SLC1A2: variants seen among roughly 807,000 people sequenced by gnomAD.
SLC1A2 encodes solute carrier family 1 member 2.
Under a neutral mutation model 48.8 loss-of-function variants are expected in SLC1A2, and 15 were observed. That is an observed-to-expected ratio of 0.31 (90% confidence interval 0.21 to 0.47). The LOEUF (loss-of-function observed/expected upper bound fraction) is 0.47. Ranked by LOEUF, SLC1A2 falls within the 20% of genes least tolerant of loss-of-function variation. The pLI is 0.99. For missense variants in SLC1A2, 502 were observed against 730.5 expected (o/e 0.69, Z 3.61); for synonymous variants, 279 against 272.6 (o/e 1.02, Z -0.23).
chr11:35,282,327 A>C (rs1850668608), intron 8 of SLC1A2, among the ~76,000 whole-genome samples: 1 of 152,178 alleles, frequency 6.6e-6, no homozygotes, highest in Admixed American at 6.5e-5. Context: ...ACCTGAGTTC[A>C]AATTCCAGCT....
At chr11:35,279,918 G>T (rs1168842279) in intron 9 of SLC1A2, among the ~76,000 whole-genome samples, 1 of 152,162 alleles carries the variant, frequency 6.6e-6, no homozygotes, top group Non-Finnish European at 1.5e-5. Flanking sequence ...TGGGATGAAG[G>T]CCTCTCTCTA....
intron 1 of SLC1A2, among the ~76,000 whole-genome samples, chr11:35,325,024 A>G (rs1170276430): frequency 6.6e-6 from 1 of 152,174 alleles, no homozygotes; most frequent in African/African-American, 2.4e-5. Context: ...GTCAATTCTG[A>G]AGTAATGGCT....
intron 1 of SLC1A2, among the ~76,000 whole-genome samples, chr11:35,341,015 C>T (rs1251666792): frequency 2.6e-5 from 4 of 152,138 alleles, no homozygotes; most frequent in Non-Finnish European, 5.9e-5. Context: ...CTCCCAGACG[C>T]CAGGAACTTA....
At chr11:35,371,267 C>A (rs945747776) in intron 1 of SLC1A2, among the ~76,000 whole-genome samples, 10 of 152,190 alleles carry the variant, frequency 6.6e-5, no homozygotes, top group African/African-American at 2.4e-4. Context: ...TGATACAGCA[C>A]CAACTTGGCT....
Position 35,317,630 on chromosome 11 carries a change from A to C in SLC1A2, c.18-114T>G, listed in dbSNP as rs2273685. On this transcript the variant is annotated intron_variant, in intron 1 of 10. Coordinates refer to ENST00000278379, the MANE Select transcript of SLC1A2 (RefSeq NM_004171.4). ...ACAGTTGGAATCTGGAACCATCTGC[A>C]GGAAAATAAAAGTAAGTGTGACTCA... is the stretch of plus-strand genomic sequence containing the variant. The C allele has an allele frequency of 1.5e-4, 197 of 1,299,468 alleles. No individual in the cohort carries two copies. The East Asian group carries it at 4.5e-3, about 30-fold the overall frequency. 80.5% of individuals were successfully genotyped at this position (1,299,468 alleles called of 1,614,324 possible).
intron 1 of SLC1A2, among the ~76,000 whole-genome samples, chr11:35,381,806 T>C (rs745745387): frequency 5.3e-5 from 8 of 152,208 alleles, no homozygotes; most frequent in Non-Finnish European, 1.2e-4. Flanking sequence ...GTAAGTGTCA[T>C]ATTGCACCTT....
intron 1 of SLC1A2, among the ~76,000 whole-genome samples, chr11:35,399,103 G>A (rs1357672930): frequency 1.3e-5 from 2 of 152,202 alleles, no homozygotes; most frequent in Non-Finnish European, 2.9e-5. Context: ...AAATAAAAAT[G>A]TTTGGTTTGG....
chr11:35,336,888 C>T (rs1852652845), intron 1 of SLC1A2, among the ~76,000 whole-genome samples: 1 of 151,276 alleles, frequency 6.6e-6, no homozygotes, highest in African/African-American at 2.5e-5. Context: ...GACCCTTGGC[C>T]TAGAACAGTA....
chr11:35,414,161 T>C (rs982922842), intron 1 of SLC1A2, among the ~76,000 whole-genome samples: 1 of 152,232 alleles, frequency 6.6e-6, no homozygotes, highest in Non-Finnish European at 1.5e-5. Flanking sequence ...ACAGTGGTCA[T>C]ATCTGTTTAT....
Position 35,265,606 on chromosome 11 carries a change from T to G in SLC1A2, c.1574A>C (p.Asp525Ala), listed in dbSNP as rs1254681642. 6.2e-7 allele frequency: 1 copy of G among 1,612,982 alleles called. No individual in the cohort carries two copies. The highest frequency in any genetic ancestry group is 1.3e-5 in the African/African-American group (1 of 75,038). ...GTTGCTTTCCCTGTGGTTCTTCATG[T>G]CATCATAAATGGATTGAGTCTTGGT... ...EMTKTQSIYD[D>A]MKNHRESNSN... Residue 525 changes from aspartate (D) to alanine (A), a missense_variant, in exon 10 of 11, where the codon GAC (aspartate) becomes GCC (alanine). Around this residue, in one of 4 missense-constraint regions of SLC1A2, gnomAD observed 102 missense variants for 107.2 expected, o/e 0.95. Coordinates refer to ENST00000278379, the MANE Select transcript of SLC1A2 (RefSeq NM_004171.4).
intron 10 of SLC1A2, among the ~76,000 whole-genome samples, chr11:35,261,311 A>T (rs899061688): frequency 3.3e-5 from 5 of 152,206 alleles, no homozygotes; most frequent in African/African-American, 1.2e-4. Context: ...GCTACTCCAT[A>T]CAACCACAGA....
intron 1 of SLC1A2, among the ~76,000 whole-genome samples, chr11:35,388,816 G>A (rs1223204630): frequency 6.6e-6 from 1 of 152,214 alleles, no homozygotes; most frequent in Non-Finnish European, 1.5e-5. Flanking sequence ...GCATGAGCAG[G>A]TGGAATTACC....
intron 9 of SLC1A2, among the ~76,000 whole-genome samples, chr11:35,269,409 G>A (rs1850210278): frequency 6.6e-6 from 1 of 152,196 alleles, no homozygotes; most frequent in Admixed American, 6.5e-5. Context: ...ATTTGGGGAA[G>A]ACAAATTCAG....
At chr11:35,349,161 G>A (rs1340220243) in intron 1 of SLC1A2, among the ~76,000 whole-genome samples, 1 of 152,164 alleles carries the variant, frequency 6.6e-6, no homozygotes, top group Non-Finnish European at 1.5e-5. Context: ...GGATGTAGAT[G>A]GGGGCACTGC....
intron 1 of SLC1A2, among the ~76,000 whole-genome samples, chr11:35,332,943 C>T (rs1852478184): frequency 6.6e-6 from 1 of 152,196 alleles, no homozygotes; most frequent in Non-Finnish European, 1.5e-5. Flanking sequence ...TACTTCAGTT[C>T]TCGCTCTTAA....
At chr11:35,336,012 C>T (rs1189190235) in intron 1 of SLC1A2, among the ~76,000 whole-genome samples, 6 of 152,162 alleles carry the variant, frequency 3.9e-5, no homozygotes, top group African/African-American at 1.4e-4. Context: ...TCATCTCCTT[C>T]AGAGGGACAT....
chr11:35,275,908 A>G (rs769413338), intron 9 of SLC1A2, among the ~76,000 whole-genome samples: 3 of 152,176 alleles, frequency 2.0e-5, no homozygotes. Flanking sequence ...ATAGTCACAG[A>G]GCTCACAACC....
chr11:35,279,423 T>C (rs1237021421), intron 9 of SLC1A2, among the ~76,000 whole-genome samples: 2 of 152,262 alleles, frequency 1.3e-5, no homozygotes, highest in Admixed American at 1.3e-4. Context: ...CAAGTTTCTC[T>C]GCATGGCCTT....
chr11:35,380,283 T>C, intron 1 of SLC1A2: 2 of 398,314 alleles, frequency 5.0e-6, no homozygotes, highest in Non-Finnish European at 8.9e-6. Flanking sequence ...CTCTGGGTGG[T>C]TCGACTCCAC....
Sources: allele counts gnomAD v4.1 joint callset (sites outside exome capture counted in the v4.1 genomes callset), GRCh38; gene constraint gnomAD v4.1.1; regional missense constraint gnomAD v4.1.1; transcripts MANE v1.5; gene names NCBI Gene and HGNC (gene_info 2026-07-23, HGNC 2026-07-21).